The following SLC16A12 variants were observed in gnomAD, a reference collection of about 807,000 sequenced individuals.
SLC16A12 encodes the protein solute carrier family 16 member 12, also known as monocarboxylate transporter 12.
A neutral mutation model predicts 42.4 loss-of-function variants in SLC16A12; 17 were observed. The ratio of observed to expected loss-of-function variants is 0.40; its 90% confidence interval spans 0.27 to 0.60. The LOEUF (loss-of-function observed/expected upper bound fraction) is 0.60. SLC16A12 is among the 20% of genes least tolerant of loss of function. The pLI, the probability that SLC16A12 is intolerant of heterozygous loss-of-function variation, is 0.42. For synonymous variants in SLC16A12, 224 were observed against 229.4 expected (o/e 0.98, Z 0.21); for missense variants, 544 against 623.0 (o/e 0.87, Z 1.35).
At chr10:89,494,333 T>G (rs906300535) in intron 2 of SLC16A12, among the ~76,000 whole-genome samples, 1 of 152,234 alleles carries the variant, frequency 6.6e-6, no homozygotes, top group African/African-American at 2.4e-5. Flanking sequence ...TCTGACCCAA[T>G]GCTTCTACAT....
intron 2 of SLC16A12, among the ~76,000 whole-genome samples, chr10:89,483,640 T>G (rs180971584): frequency 1.3e-5 from 2 of 150,500 alleles, no homozygotes; most frequent in Admixed American, 1.3e-4. Context: ...GGCAGGAGGA[T>G]AGCTTAAGTC....
chr10:89,490,996 A>T (rs1842838652), intron 2 of SLC16A12, among the ~76,000 whole-genome samples: 1 of 152,198 alleles, frequency 6.6e-6, no homozygotes, highest in Non-Finnish European at 1.5e-5. Context: ...AAATACTATA[A>T]CAAAAGATGC....
At chr10:89,437,049 G>A (rs551755028) in intron 6 of SLC16A12, among the ~76,000 whole-genome samples, 1 of 152,308 alleles carries the variant, frequency 6.6e-6, no homozygotes, top group Admixed American at 6.5e-5. Flanking sequence ...AGGATCAGAA[G>A]GGTAATTTTC....
At chr10:89,472,206 T>C (rs1386464478) in intron 2 of SLC16A12, among the ~76,000 whole-genome samples, 1 of 152,126 alleles carries the variant, frequency 6.6e-6, no homozygotes, top group Non-Finnish European at 1.5e-5. Context: ...TAAAAAGTTT[T>C]AAATACCACT....
At chr10:89,505,333 TA>T (rs1286144037) in intron 2 of SLC16A12, among the ~76,000 whole-genome samples, 1 of 151,890 alleles carries the variant, frequency 6.6e-6, no homozygotes, top group Non-Finnish European at 1.5e-5. Flanking sequence ...GAGAATCTCT[TA>T]AACCTGGGAG....
In SLC16A12 at chr10:89,534,644, C is replaced by CAAAAAAAAAAAAAAAAA. The variant is rs55935286; in HGVS notation, c.-186-21_-186-5dup. The stretch of plus-strand genomic sequence containing the variant: ...CCAATATGTCGAAATCCTGTATCTG[C>CAAAAAAAAAAAAAAAAA]AAAAAAAAAAAAAAAAAAAAAAAAA... On this transcript the variant is annotated splice_region_variant and splice_polypyrimidine_tract_variant and intron_variant, in intron 1 of 7. Coordinates refer to ENST00000371790, the MANE Select transcript of SLC16A12 (RefSeq NM_213606.4). 3.8e-5 allele frequency: 2 copies of CAAAAAAAAAAAAAAAAA among 52,282 alleles called. No homozygotes were observed. The highest frequency in any genetic ancestry group is 1.0e-4 in the African/African-American group (1 of 9,828). 3.2% of individuals were successfully genotyped at this position (52,282 alleles called of 1,614,324 possible).
chr10:89,535,390 GC>G (rs1049054888), intron 1 of SLC16A12, 51 bp downstream of exon 1: 10 of 153,208 alleles, frequency 6.5e-5, no homozygotes, highest in Non-Finnish European at 1.5e-4. Flanking sequence ...TCCAACGACA[GC>G]GCCAGCGCCC....
intron 2 of SLC16A12, among the ~76,000 whole-genome samples, chr10:89,520,393 C>T (rs1843332566): frequency 1.3e-5 from 2 of 152,180 alleles, no homozygotes; most frequent in South Asian, 2.1e-4. Flanking sequence ...ACCTTACTGA[C>T]AGGTCCCATG....
intron 2 of SLC16A12, among the ~76,000 whole-genome samples, chr10:89,485,864 C>G (rs1278438487): frequency 6.6e-6 from 1 of 152,096 alleles, no homozygotes; most frequent in Non-Finnish European, 1.5e-5. Context: ...TCAGGACATA[C>G]AATTGTAATA....
At chr10:89,539,856 T>TG (rs1326432412), upstream of SLC16A12, among the ~76,000 whole-genome samples, 18 of 145,398 alleles carry the variant, frequency 1.2e-4, no homozygotes, top group African/African-American at 4.6e-4. Flanking sequence ...AAGAAACAAA[T>TG]TTTTCTTTCT....
chr10:89,555,476 TGTATATATAC>T (rs932009700), intron 2 of SLC16A12, among the ~76,000 whole-genome samples: 6 of 148,348 alleles, frequency 4.0e-5, no homozygotes, highest in East Asian at 3.9e-4. Context: ...TATATATATG[TGTATATATAC>T]GTATATATAC....
At chr10:89,466,508 C>T (rs1842403198) in intron 2 of SLC16A12, among the ~76,000 whole-genome samples, 1 of 152,174 alleles carries the variant, frequency 6.6e-6, no homozygotes, top group Admixed American at 6.5e-5. Context: ...AATGAGAGCA[C>T]CCACAAACCA....
intron 2 of SLC16A12, among the ~76,000 whole-genome samples, chr10:89,497,611 G>C (rs1392040603): frequency 6.6e-6 from 1 of 152,104 alleles, no homozygotes; most frequent in Non-Finnish European, 1.5e-5. Flanking sequence ...CTACATAGCA[G>C]GTGAGAGGCA....
chr10:89,554,029 A>G (rs1329480193), intron 2 of SLC16A12, among the ~76,000 whole-genome samples: 3 of 127,942 alleles, frequency 2.3e-5, no homozygotes, highest in East Asian at 2.3e-4. Context: ...AGAAAGAGAG[A>G]AAGGAAGAAA....
chr10:89,515,459 TC>T (rs1843235828), intron 2 of SLC16A12, among the ~76,000 whole-genome samples: 1 of 152,194 alleles, frequency 6.6e-6, no homozygotes, highest in Non-Finnish European at 1.5e-5. Context: ...TCTATTCCCC[TC>T]CAGCCACCTG....
At chr10:89,537,842 C>T (rs761773452), upstream of SLC16A12, among the ~76,000 whole-genome samples, 1 of 152,200 alleles carries the variant, frequency 6.6e-6, no homozygotes, top group Non-Finnish European at 1.5e-5. Context: ...AAAGCTAATA[C>T]TGTGTTTATT....
At chr10:89,462,696 A>T (rs1021217378) in intron 2 of SLC16A12, 72 bp from the exon 3 acceptor site, 1 of 1,432,260 alleles carries the variant, frequency 7.0e-7, no homozygotes, top group African/African-American at 1.4e-5. Flanking sequence ...TCACTTGGTA[A>T]GACATGATTA....
intron 2 of SLC16A12, among the ~76,000 whole-genome samples, chr10:89,465,733 G>A (rs1362697455): frequency 6.6e-6 from 1 of 152,158 alleles, no homozygotes; most frequent in Non-Finnish European, 1.5e-5. Flanking sequence ...GGCTTTGTTA[G>A]GATTCAACTC....
rs1380094107 is a variant in SLC16A12 at position 89,493,307 on chromosome 10, C to T, written c.-46-30683G>A. On this transcript the variant is annotated intron_variant, in intron 2 of 7. Transcript: ENST00000371790. ...GCCCAATCTCAGCTCACTGCAACCT[C>T]CGCCTCCTGGGTGTTAGCGATTCTC... Among the ~76,000 whole-genome samples the T allele has an allele frequency of 4.0e-5, 6 of 151,804 alleles. No individual in the cohort carries two copies. In the East Asian group the frequency reaches 9.7e-4, roughly 24 times the overall value.
Sources: gnomAD v4.1 joint callset for allele counts (sites outside exome capture counted in the v4.1 genomes callset) on GRCh38, gnomAD v4.1.1 for gene constraint, MANE v1.5 for transcripts, NCBI Gene and HGNC (gene_info 2026-07-23, HGNC 2026-07-21) for gene names.